The following MOV10L1 variants were observed in gnomAD, a reference collection of about 807,000 sequenced individuals.
MOV10L1 encodes Mov10 like RNA helicase 1.
Under a neutral mutation model 143.8 loss-of-function variants are expected in MOV10L1, and 110 were observed. The observed-to-expected ratio is 0.76, with a 90% CI of 0.66 to 0.90. MOV10L1 has a LOEUF of 0.90. MOV10L1 is among the 40% of genes least tolerant of loss of function. The pLI is 0.00. For missense variants in MOV10L1, 1,406 were observed against 1,526.8 expected, an observed-to-expected ratio of 0.92 and a Z score of 1.32; for synonymous variants, 593 against 581.1, an observed-to-expected ratio of 1.02 and a Z score of -0.29.
chr22:50,120,327 A>T (rs2062303038), intron 9 of MOV10L1, among the ~76,000 whole-genome samples, 175 bp from the exon 10 acceptor site: 1 of 152,218 alleles, frequency 6.6e-6, no homozygotes, highest in Admixed American at 6.5e-5. Flanking sequence ...AGGATCCCAG[A>T]GCTAAAACGA....
At chr22:50,136,246 C>A (rs1445694061) in intron 15 of MOV10L1, among the ~76,000 whole-genome samples, 1 of 152,028 alleles carries the variant, frequency 6.6e-6, no homozygotes, top group East Asian at 1.9e-4. Context: ...ATTCTACTGC[C>A]TGATTCTCGG....
chr22:50,132,206 G>A (rs1166630142), intron 13 of MOV10L1, among the ~76,000 whole-genome samples: 1 of 152,192 alleles, frequency 6.6e-6, no homozygotes, highest in Non-Finnish European at 1.5e-5. Flanking sequence ...CCTAGTGTAT[G>A]ATATGTGCCT....
At chr22:50,101,579 G>A (rs530025216) in intron 3 of MOV10L1, among the ~76,000 whole-genome samples, 10 of 150,668 alleles carry the variant, frequency 6.6e-5, no homozygotes, top group African/African-American at 2.4e-4. Context: ...GAGTGCAGTG[G>A]TGGCTCACTG....
At chr22:50,151,474 T>G (rs1366289789) in intron 21 of MOV10L1, among the ~76,000 whole-genome samples, 1 of 152,242 alleles carries the variant, frequency 6.6e-6, no homozygotes, top group African/African-American at 2.4e-5. Context: ...ATGGGCAGAC[T>G]TTCAGGGAAA....
chr22:50,114,365 A>G lies in MOV10L1; in HGVS notation c.885-16A>G, dbSNP rs1450521635. The G allele has an allele frequency of 3.1e-6, 5 of 1,610,910 alleles. No homozygotes were observed. Among genetic ancestry groups the G allele is most frequent in the Non-Finnish European group, 4.2e-6 (5 of 1,177,924 alleles). ...AGAAATCCTGGCTGTGTTCATAGTT[A>G]ATTGTATTTTTCCAGGAATAAAGGA... On this transcript the variant is annotated splice_polypyrimidine_tract_variant and intron_variant, in intron 6 of 26. Transcript: ENST00000262794.
intron 12 of MOV10L1, among the ~76,000 whole-genome samples, chr22:50,127,894 T>C (rs1297419979): frequency 1.3e-5 from 2 of 151,998 alleles, no homozygotes; most frequent in Non-Finnish European, 1.5e-5. Flanking sequence ...TGCCTCAGCC[T>C]CCCAAGTAGC....
chr22:50,129,997 C>T (rs2062626017), intron 13 of MOV10L1, among the ~76,000 whole-genome samples: 1 of 152,074 alleles, frequency 6.6e-6, no homozygotes, highest in Non-Finnish European at 1.5e-5. Context: ...TAAAAAGTAT[C>T]TTTTGAGGCT....
At chr22:50,115,294 A>G (rs2062140678) in intron 8 of MOV10L1, 48 bp downstream of exon 8, 1 of 1,456,054 alleles carries the variant, frequency 6.9e-7, no homozygotes, top group South Asian at 1.6e-5. Flanking sequence ...AGTTTCTCTG[A>G]TACTTCTAGG....
chr22:50,153,327 T>C, intron 22 of MOV10L1, 109 bp downstream of exon 22: 1 of 1,308,242 alleles, frequency 7.6e-7, no homozygotes, highest in East Asian at 2.3e-5. Flanking sequence ...GGGGCAGATG[T>C]TCTGCTGGTC....
Position 50,108,164 on chromosome 22 carries a change from G to A in MOV10L1, c.471G>A (p.Val157=), listed in dbSNP as rs376269279. ...TCGAGCCCTGCAAGGGAGACTGGGT[G>A]GAGGCTGAGTACCGGATCCGGCCTG... ...EGFEPCKGDW[V]EAEYRIRPGT... Residue 157 remains valine, a synonymous_variant, in exon 4 of 27, where the codon GTG becomes GTA. Transcript: ENST00000262794. The A allele has an allele frequency of 8.1e-5, 130 of 1,614,100 alleles. No individual in the cohort carries two copies. The South Asian group carries it at 1.2e-3, about 15-fold the overall frequency.
chr22:50,104,387 C>T (rs775690213), intron 3 of MOV10L1, among the ~76,000 whole-genome samples: 5 of 152,164 alleles, frequency 3.3e-5, no homozygotes, highest in Non-Finnish European at 7.4e-5. Context: ...GAAATTGGCA[C>T]AGGGGTCAGG....
At position 50,144,377 on chromosome 22, in the gene MOV10L1, G is replaced by T. The variant is rs1346550349; in HGVS notation, c.2505+134G>T. Reference sequence around the variant, plus strand: ...CACAGAAAGCTGTGTTTGAGAAATGGCTCTGCCATGGGCCCTCCCTCACCG... The same window carrying T: ...CACAGAAAGCTGTGTTTGAGAAATGTCTCTGCCATGGGCCCTCCCTCACCG... On this transcript the variant is annotated intron_variant, in intron 18 of 26. Transcript: ENST00000262794. 21 of 1,122,236 alleles carry T rather than the reference G, an allele frequency of 1.9e-5. No individual in the cohort carries two copies. The Admixed American group carries it at 6.0e-4, about 32-fold the overall frequency. 69.5% of individuals were successfully genotyped at this position (1,122,236 alleles called of 1,614,324 possible). A position where few individuals can be genotyped will look rare whatever the true frequency, so the allele number is the denominator to read the frequency against.
intron 17 of MOV10L1, 86 bp downstream of exon 17, chr22:50,143,307 G>A (rs1025571470): frequency 2.1e-6 from 3 of 1,422,884 alleles, no homozygotes; most frequent in African/African-American, 1.4e-5. Context: ...AGTTTAGATT[G>A]TAGAATCAGA....
rs1229567943 is a variant in MOV10L1, at chr22:50,108,232, A to G, written c.539A>G (p.Tyr180Cys). The G allele has an allele frequency of 1.2e-6, 2 of 1,613,756 alleles. No individual in the cohort carries two copies. Among genetic ancestry groups the G allele is most frequent in the Non-Finnish European group, 8.5e-7 (1 of 1,179,836 alleles). The change falls in exon 4 of 27, where the codon TAC (tyrosine) becomes TGC (cysteine). Residue 180 changes from tyrosine to cysteine, a missense_variant. Physicochemically the swap from Tyr to Cys is radical, Grantham distance 194. Coordinates refer to ENST00000262794, the MANE Select transcript of MOV10L1 (RefSeq NM_018995.3). Reference protein sequence around the residue: ...SEATSVKPLRYKRVDKVCISS... With the variant: ...SEATSVKPLRCKRVDKVCISS... ...GCCACCTCAGTGAAGCCACTGAGAT[A>G]CAAGCGCGTGGACAAGGTAGCGTGC...
intron 2 of MOV10L1, chr22:50,094,571 T>C (rs2062539477): frequency 6.6e-6 from 1 of 152,112 alleles, no homozygotes; most frequent in Admixed American, 6.6e-5. Flanking sequence ...AGCTAATTTT[T>C]TGTATTTTTA....
chr22:50,117,142 T>A lies in MOV10L1; in HGVS notation c.1260-15T>A, dbSNP rs1602206559. 1 of 1,587,832 alleles carries A rather than the reference T, an allele frequency of 6.3e-7. No individual in the cohort carries two copies. Among genetic ancestry groups the A allele is most frequent in the East Asian group, 2.2e-5 (1 of 44,582 alleles). ...ATTTATGACTAAAACTAAATTTCAT[T>A]TTGTTTTTTTCAAGAAATCCTGGCC... is the stretch of plus-strand genomic sequence containing the variant. On this transcript the variant is annotated splice_polypyrimidine_tract_variant and intron_variant, in intron 8 of 26. Transcript: ENST00000262794.
At chr22:50,137,563 G>A (rs1270619187) in intron 15 of MOV10L1, among the ~76,000 whole-genome samples, 1 of 151,744 alleles carries the variant, frequency 6.6e-6, no homozygotes, top group Admixed American at 6.6e-5. Context: ...AAATTAGCTG[G>A]GTGTGGTGGC....
intron 3 of MOV10L1, among the ~76,000 whole-genome samples, chr22:50,101,522 T>A (rs1016956406): frequency 4.0e-5 from 6 of 151,732 alleles, no homozygotes; most frequent in African/African-American, 1.5e-4. Flanking sequence ...GGTTTTGTTT[T>A]TTTTTTCTTT....
rs1312890264 is a variant in MOV10L1 at position 50,161,027 on chromosome 22, T to A, written c.3526T>A (p.Leu1176Ile). ...AAACGGTGTTTACATGGGATGCGATTTACCTCCTGCACTGCAGTCTCTGCA... is the reference window on the plus strand; with the variant it reads ...AAACGGTGTTTACATGGGATGCGATATACCTCCTGCACTGCAGTCTCTGCA... ...ITNGVYMGCDLPPALQSLQNC... is the reference protein window; with the variant it reads ...ITNGVYMGCDIPPALQSLQNC... The change falls in exon 26 of 27, where the codon TTA becomes ATA. Residue 1176 changes from leucine to isoleucine, a missense_variant. Around this residue, in one of 3 missense-constraint regions of MOV10L1, gnomAD observed 1,233 missense variants for 1,351.4 expected, o/e 0.91. Coordinates refer to ENST00000262794, the MANE Select transcript of MOV10L1 (RefSeq NM_018995.3). 2.5e-6 allele frequency: 4 copies of A among 1,614,036 alleles called. No homozygotes were observed. The highest frequency in any genetic ancestry group is 3.4e-6 in the Non-Finnish European group (4 of 1,180,036).
Sources: gnomAD v4.1 joint callset for allele counts (sites outside exome capture counted in the v4.1 genomes callset) on GRCh38, gnomAD v4.1.1 for gene constraint, gnomAD v4.1.1 regional missense constraint, MANE v1.5 for transcripts, NCBI Gene and HGNC (gene_info 2026-07-23, HGNC 2026-07-21) for gene names.